The following VBP1 variants were observed in gnomAD, a reference collection of about 807,000 sequenced individuals.
The protein encoded by VBP1 is prefoldin subunit 3.
Under a neutral mutation model 15.5 loss-of-function variants are expected in VBP1, and 4 were observed. The ratio of observed to expected loss-of-function variants is 0.26; its 90% CI spans 0.13 to 0.59. The LOEUF is 0.59. VBP1 is among the 20% of genes least tolerant of loss of function. The pLI, the probability that VBP1 is intolerant of heterozygous loss-of-function variation, is 0.90. For missense variants in VBP1, 108 were observed against 139.6 expected (o/e 0.77, Z 1.14); for synonymous variants, 61 against 52.1 (o/e 1.17, Z -0.74).
chrX:155,200,240 A>G (rs782271048), intron 1 of VBP1, among the ~76,000 whole-genome samples: 2,761 of 106,925 alleles, frequency 0.026, 42 homozygotes, highest in South Asian at 0.038. Flanking sequence ...AATTGAACTC[A>G]GCTCTGCACC....
At chrX:155,197,995 T>C (rs1344735859) in intron 1 of VBP1, among the ~76,000 whole-genome samples, 2 of 111,569 alleles carry the variant, frequency 1.8e-5, no homozygotes, top group Non-Finnish European at 3.8e-5. Context: ...GCCCACAGAA[T>C]CTCGCTGATT....
At chrX:155,197,902 A>G (rs2074584480) in intron 1 of VBP1, among the ~76,000 whole-genome samples, 1 of 112,366 alleles carries the variant, frequency 8.9e-6, no homozygotes, top group Admixed American at 9.4e-5. Flanking sequence ...GGTCACTCCC[A>G]CCCTAATACT....
At chrX:155,197,280 C>A (rs1343393488) in intron 1 of VBP1, 1 of 111,474 alleles carries the variant, frequency 9.0e-6, no homozygotes, top group African/African-American at 3.3e-5. Context: ...CAAGCAAATT[C>A]CTGTTCCTCA....
chrX:155,208,751 C>A, intron 1 of VBP1: 1 of 387,917 alleles, frequency 2.6e-6, no homozygotes, highest in Non-Finnish European at 4.3e-6. Flanking sequence ...TCAATTGATG[C>A]TTATTAAATA....
chrX:155,212,419 T>C (rs907509761), upstream of VBP1, among the ~76,000 whole-genome samples: 1 of 111,783 alleles, frequency 8.9e-6, no homozygotes, highest in East Asian at 2.8e-4. Context: ...GATCAGGTTT[T>C]CTAAATTGAG....
At chrX:155,236,743 T>C (rs1424560482) in intron 5 of VBP1, among the ~76,000 whole-genome samples, 1 of 112,795 alleles carries the variant, frequency 8.9e-6, no homozygotes, top group African/African-American at 3.2e-5. Context: ...GATTAGTGAT[T>C]TTGAAATGTG....
chrX:155,202,707 T>G (rs1557307632), intron 1 of VBP1, among the ~76,000 whole-genome samples: 1 of 106,457 alleles, frequency 9.4e-6, no homozygotes. Context: ...GGCAAGGACT[T>G]CATGTCTAAA....
intron 1 of VBP1, among the ~76,000 whole-genome samples, chrX:155,200,385 A>G (rs1374701898): frequency 4.6e-5 from 5 of 108,969 alleles, no homozygotes; most frequent in African/African-American, 1.7e-4. Context: ...CAAATGTAAA[A>G]CAACAGAAAT....
At chrX:155,214,627 A>G (rs190679980), upstream of VBP1, among the ~76,000 whole-genome samples, 385 of 112,002 alleles carry the variant, frequency 3.4e-3, 2 homozygotes, top group African/African-American at 0.011. Context: ...TCTGTTTTAA[A>G]AAATGCTTTT....
intron 1 of VBP1, among the ~76,000 whole-genome samples, chrX:155,207,550 A>G (rs1323749524): frequency 8.9e-6 from 1 of 112,104 alleles, no homozygotes; most frequent in Non-Finnish European, 1.9e-5. Flanking sequence ...TTGATACTGC[A>G]GAAGTGGCAT....
intron 4 of VBP1, among the ~76,000 whole-genome samples, chrX:155,229,866 A>G (rs1557310645): frequency 8.9e-6 from 1 of 111,855 alleles, no homozygotes; most frequent in African/African-American, 3.3e-5. Flanking sequence ...TTTATTTTAT[A>G]TCTCTCAACC....
At chrX:155,204,348 T>C (rs1050297099) in intron 1 of VBP1, among the ~76,000 whole-genome samples, 3 of 110,942 alleles carry the variant, frequency 2.7e-5, no homozygotes, top group Non-Finnish European at 5.7e-5. Context: ...AGATGGGGTT[T>C]CGCCATGTTG....
In VBP1 at chrX:155,227,972, C is replaced by T. The variant is rs782535542; in HGVS notation, c.286-412C>T. ...TGTGGTGAACTTTGTAAGACTTCAG[C>T]AACTGATTGATTGGGCATGAAGCAC... On this transcript the variant is annotated intron_variant, in intron 3 of 5. Transcript: ENST00000286428. 2.7e-5 allele frequency among the ~76,000 whole-genome samples: 3 copies of T among 112,045 alleles called. No homozygotes were observed. The South Asian group carries it at 1.1e-3, about 41-fold the overall frequency.
Position 155,198,160 on chromosome X carries a change from T to C in VBP1, c.-31+1021T>C, listed in dbSNP as rs782450738. Among the ~76,000 whole-genome samples the C allele has an allele frequency of 1.4e-4, 16 of 112,776 alleles. No homozygotes were observed. The East Asian group carries it at 4.5e-3, about 32-fold the overall frequency. ...GCTCAAGGAGGCCTGCCTCCCTCTGTAGGCTCCACCTCTGGGGGCATGGCA... is the reference window on the plus strand; with the variant it reads ...GCTCAAGGAGGCCTGCCTCCCTCTGCAGGCTCCACCTCTGGGGGCATGGCA... On this transcript the variant is annotated intron_variant, in intron 1 of 6. Transcript: ENST00000535916.
intron 1 of VBP1, among the ~76,000 whole-genome samples, chrX:155,198,940 T>G (rs879957870): frequency 3.6e-5 from 4 of 111,338 alleles, no homozygotes; most frequent in Admixed American, 1.9e-4. Flanking sequence ...GAAAGCCAAG[T>G]CTCGAGAACT....
At chrX:155,205,161 T>A (rs2074622116) in intron 1 of VBP1, among the ~76,000 whole-genome samples, 1 of 112,398 alleles carries the variant, frequency 8.9e-6, no homozygotes, top group Admixed American at 9.4e-5. Context: ...GTGCACTGCA[T>A]AAATTTTATG....
chrX:155,228,269 C>A, intron 3 of VBP1, 115 bp from the exon 4 acceptor site: 1 of 570,338 alleles, frequency 1.8e-6, no homozygotes, highest in Non-Finnish European at 2.8e-6. Flanking sequence ...TACACTTAGC[C>A]TGCATGATGG....
intron 1 of VBP1, among the ~76,000 whole-genome samples, chrX:155,201,241 T>C (rs191928457): frequency 0.056 from 6,131 of 109,200 alleles, 296 homozygotes; most frequent in African/African-American, 0.16. Context: ...AAAGAAGGAA[T>C]CCTCCCTAAC....
At chrX:155,209,919 G>A (rs1298631893) in intron 2 of VBP1, among the ~76,000 whole-genome samples, 1 of 111,722 alleles carries the variant, frequency 9.0e-6, no homozygotes. Context: ...AGGTCCCAAA[G>A]CAAAAAGATT....
Sources: allele counts gnomAD v4.1 joint callset (sites outside exome capture counted in the v4.1 genomes callset), GRCh38; gene constraint gnomAD v4.1.1; transcripts MANE v1.5; gene names NCBI Gene and HGNC (gene_info 2026-07-23, HGNC 2026-07-21).